The following KPNA3 variants were observed in gnomAD, a reference collection of about 807,000 sequenced individuals.
KPNA3 encodes the protein karyopherin subunit alpha 3.
In KPNA3, 13 loss-of-function variants were observed where a neutral mutation model predicts 73.8. That is an observed-to-expected ratio of 0.18 (90% CI 0.11 to 0.28). The LOEUF is 0.28. KPNA3 is among the 10% of genes least tolerant of loss of function. The pLI is 1.00. For synonymous variants in KPNA3, 186 were observed against 206.9 expected (o/e 0.90, Z 0.87); for missense variants, 360 against 618.1 (o/e 0.58, Z 4.43).
intron 6 of KPNA3, 78 bp from the exon 7 acceptor site, chr13:49,725,579 T>C: frequency 1.1e-6 from 1 of 882,022 alleles, no homozygotes; most frequent in Non-Finnish European, 1.8e-6. Flanking sequence ...TGATAAGATA[T>C]GGCTATTCTT....
rs144594027 is a variant in KPNA3, at chr13:49,768,086, T to C, written c.70-21093A>G. Among the ~76,000 whole-genome samples the C allele has an allele frequency of 7.8e-3, 1,186 of 152,220 alleles. 15 individuals carry two copies. The highest frequency in any genetic ancestry group is 0.027 in the African/African-American group (1,122 of 41,546). ...CAAGGTCTGGAGTTTGAGATCAGCC[T>C]GCCCAACATAATGAAACCCCGTCTC... is the stretch of plus-strand genomic sequence containing the variant. On this transcript the variant is annotated intron_variant, in intron 1 of 16. Coordinates refer to ENST00000261667, the MANE Select transcript of KPNA3 (RefSeq NM_002267.4).
chr13:49,733,620 T>C (rs180873612), intron 2 of KPNA3, among the ~76,000 whole-genome samples: 4 of 152,182 alleles, frequency 2.6e-5, no homozygotes, highest in African/African-American at 4.8e-5. Flanking sequence ...ACTTAAATTG[T>C]AGATTGTTTG....
intron 12 of KPNA3, among the ~76,000 whole-genome samples, chr13:49,707,559 CTA>C (rs1161563418): frequency 1.1e-5 from 1 of 90,042 alleles, no homozygotes; most frequent in Non-Finnish European, 2.3e-5. Context: ...GATGGCATTT[CTA>C]TGAAATTTTC....
At chr13:49,704,400 G>A (rs1390572463) in intron 15 of KPNA3, among the ~76,000 whole-genome samples, 1 of 145,320 alleles carries the variant, frequency 6.9e-6, no homozygotes, top group Non-Finnish European at 1.5e-5. Context: ...CAACAAGAGC[G>A]AAACTCTGTC....
chr13:49,740,224 G>A (rs1291499311), intron 2 of KPNA3, among the ~76,000 whole-genome samples: 1 of 151,158 alleles, frequency 6.6e-6, no homozygotes, highest in African/African-American at 2.4e-5. Flanking sequence ...TCCAACTTGG[G>A]TGACAGAATG....
chr13:49,763,507 T>C lies in KPNA3; in HGVS notation c.70-16514A>G, dbSNP rs180827348. 3.0e-3 allele frequency among the ~76,000 whole-genome samples: 456 copies of C among 152,288 alleles called. 1 individual carries two copies. The highest frequency in any genetic ancestry group is 0.01 in the African/African-American group (432 of 41,558). On this transcript the variant is annotated intron_variant, in intron 1 of 16. Transcript: ENST00000261667. ...GATAATAGCTAAGAATTTTCCAGAA[T>C]TGATAAAAAACAATAAACCACAGAT...
chr13:49,788,734 TTTTTA>T (rs1332491537), intron 1 of KPNA3, among the ~76,000 whole-genome samples: 386 of 111,156 alleles, frequency 3.5e-3, no homozygotes, highest in Non-Finnish European at 5.9e-3. Flanking sequence ...TTTTTTTTTT[TTTTTA>T]AAAAAAAAAA....
At chr13:49,727,259 C>G (rs888521834) in intron 6 of KPNA3, among the ~76,000 whole-genome samples, 1 of 151,880 alleles carries the variant, frequency 6.6e-6, no homozygotes, top group African/African-American at 2.4e-5. Flanking sequence ...ACCAGCCTGG[C>G]CAACATGGCA....
chr13:49,755,075 A>G (rs974516883), intron 1 of KPNA3, among the ~76,000 whole-genome samples: 1 of 152,042 alleles, frequency 6.6e-6, no homozygotes, highest in Non-Finnish European at 1.5e-5. Flanking sequence ...TAAAAAAAAA[A>G]GAAGAAAAAG....
chr13:49,787,049 G>C (rs1030202841), intron 1 of KPNA3, among the ~76,000 whole-genome samples: 3 of 152,306 alleles, frequency 2.0e-5, no homozygotes, highest in East Asian at 3.9e-4. Context: ...GAAGAGAAGG[G>C]AGTCAAGGAT....
intron 9 of KPNA3, among the ~76,000 whole-genome samples, chr13:49,721,685 T>C (rs1954360022): frequency 6.6e-6 from 1 of 152,056 alleles, no homozygotes. Context: ...CCAGGCGTGG[T>C]GGCGGGTGCC....
rs1372588542 is a variant in KPNA3, at chr13:49,721,851, T to G, written c.726+104A>C. On this transcript the variant is annotated intron_variant, in intron 9 of 16. Coordinates refer to ENST00000261667, the MANE Select transcript of KPNA3 (RefSeq NM_002267.4). ...AACAAACAAACAAAAAACTCACACC[T>G]GCAATGAAATCAGTATATGTATTAT... is the stretch of plus-strand genomic sequence containing the variant. 5 of 732,082 alleles carry G rather than the reference T, an allele frequency of 6.8e-6. No homozygotes were observed. The African/African-American group carries it at 9.0e-5, about 13-fold the overall frequency. 45.3% of individuals were successfully genotyped at this position (732,082 alleles called of 1,614,324 possible).
chr13:49,704,362 G>A (rs891868549), intron 15 of KPNA3, among the ~76,000 whole-genome samples: 7 of 151,078 alleles, frequency 4.6e-5, no homozygotes, highest in Admixed American at 6.6e-5. Flanking sequence ...GACGGAGGTT[G>A]CGGTGAGCCA....
chr13:49,726,192 G>A (rs758039245), intron 6 of KPNA3, among the ~76,000 whole-genome samples: 19 of 151,948 alleles, frequency 1.3e-4, no homozygotes, highest in Non-Finnish European at 2.1e-4. Context: ...ACTATCACAC[G>A]CTCTAGGCTG....
chr13:49,778,798 A>G (rs1477560094), intron 1 of KPNA3, among the ~76,000 whole-genome samples: 1 of 152,010 alleles, frequency 6.6e-6, no homozygotes, highest in African/African-American at 2.4e-5. Flanking sequence ...TGTAGAGATG[A>G]GGTCTCACTG....
intron 10 of KPNA3, among the ~76,000 whole-genome samples, chr13:49,717,383 T>TTG: frequency 7.1e-6 from 1 of 141,298 alleles, no homozygotes; most frequent in Non-Finnish European, 1.5e-5. Context: ...TGAGCCTAGA[T>TTG]CGCGCCACTG....
At chr13:49,705,486 A>G in intron 15 of KPNA3, 135 bp downstream of exon 15, 1 of 937,324 alleles carries the variant, frequency 1.1e-6, no homozygotes, top group Non-Finnish European at 1.6e-6. Flanking sequence ...TATAGTGAAT[A>G]AAGAAAAGCA....
chr13:49,708,697 A>G (rs1230787591), intron 12 of KPNA3, among the ~76,000 whole-genome samples: 2 of 152,262 alleles, frequency 1.3e-5, no homozygotes, highest in Non-Finnish European at 2.9e-5. Flanking sequence ...ATTCAGCCAT[A>G]GAAAGAATAA....
intron 1 of KPNA3, among the ~76,000 whole-genome samples, chr13:49,761,884 A>G (rs9535330): frequency 0.85 from 127,492 of 150,564 alleles, 54,111 homozygotes; most frequent in East Asian, 1. Flanking sequence ...GCCTCTGCCC[A>G]GCCACGACTC....
Sources: gnomAD v4.1 joint callset for allele counts (sites outside exome capture counted in the v4.1 genomes callset) on GRCh38, gnomAD v4.1.1 for gene constraint, MANE v1.5 for transcripts, NCBI Gene and HGNC (gene_info 2026-07-23, HGNC 2026-07-21) for gene names.